The following NDUFA10 variants were observed in gnomAD, a reference collection of about 807,000 sequenced individuals.
The protein encoded by NDUFA10 is NADH:ubiquinone oxidoreductase subunit A10.
NDUFA10 carries 40 observed loss-of-function variants against 47.8 expected under a neutral mutation model. The ratio of observed to expected loss-of-function variants is 0.84; its 90% CI spans 0.65 to 1.09. The LOEUF (loss-of-function observed/expected upper bound fraction) is 1.09. NDUFA10 is among the 50% of genes least tolerant of loss of function. The probability of loss-of-function intolerance (pLI) is 0.00; values close to 1 mark genes in which losing one functional copy is unlikely to be tolerated. For synonymous variants in NDUFA10, 183 were observed against 172.2 expected, an observed-to-expected ratio of 1.06 and a Z score of -0.49; for missense variants, 413 against 451.1, an observed-to-expected ratio of 0.92 and a Z score of 0.76.
Position 239,958,920 on chromosome 2 carries a change from A to G in NDUFA10, c.*2198T>C. ...ATGGAATCCTGGAAAATGCACGATT[A>G]TTTTGATCCTGGTTTGTTGGTGCTG... On this transcript the variant is annotated 3_prime_UTR_variant, in exon 10 of 10. Coordinates refer to ENST00000252711, the MANE Select transcript of NDUFA10 (RefSeq NM_004544.4). The G allele has an allele frequency of 1.0e-6, 1 of 984,754 alleles. No individual in the cohort carries two copies. The highest frequency in any genetic ancestry group is 1.2e-6 in the Non-Finnish European group (1 of 829,310). The allele number at this position is 984,754 out of a possible 1,614,324, so 61.0% of individuals were successfully genotyped here.
intron 4 of NDUFA10, among the ~76,000 whole-genome samples, chr2:239,900,662 G>A (rs1478781828): frequency 2.0e-5 from 3 of 152,122 alleles, no homozygotes; most frequent in Non-Finnish European, 4.4e-5. Flanking sequence ...TGATGGGTGG[G>A]TGTAGAACCT....
At chr2:239,939,253 G>T (rs1356950044) in intron 4 of NDUFA10, among the ~76,000 whole-genome samples, 3 of 152,238 alleles carry the variant, frequency 2.0e-5, no homozygotes, top group African/African-American at 7.2e-5. Flanking sequence ...CAACATGCCA[G>T]CCAGTGTCTT....
intron 4 of NDUFA10, among the ~76,000 whole-genome samples, chr2:239,946,070 G>A (rs2106381237): frequency 6.6e-6 from 1 of 152,314 alleles, no homozygotes; most frequent in East Asian, 1.9e-4. Flanking sequence ...TCCCTTGCAG[G>A]TTTCCAGAGA....
chr2:239,969,125 A>G (rs1285399993), intron 9 of NDUFA10, among the ~76,000 whole-genome samples: 3 of 152,258 alleles, frequency 2.0e-5, no homozygotes, highest in African/African-American at 7.2e-5. Flanking sequence ...TCGGCGTATG[A>G]AACAGGAAAA....
intron 8 of NDUFA10, among the ~76,000 whole-genome samples, chr2:239,999,472 G>A (rs557510269): frequency 2.6e-5 from 4 of 152,226 alleles, no homozygotes; most frequent in East Asian, 3.9e-4. Flanking sequence ...CCCTGCATGC[G>A]GGTTCCCCAT....
chr2:239,942,725 G>C (rs78390987), intron 4 of NDUFA10, among the ~76,000 whole-genome samples: 3,860 of 152,124 alleles, frequency 0.025, 144 homozygotes, highest in African/African-American at 0.076. Flanking sequence ...TTCTCTGTGG[G>C]ACGTTTGCCT....
At chr2:239,916,013 GAT>G (rs1473515243) in intron 4 of NDUFA10, among the ~76,000 whole-genome samples, 5 of 125,890 alleles carry the variant, frequency 4.0e-5, no homozygotes, top group Admixed American at 1.6e-4. Flanking sequence ...CAAATATACA[GAT>G]ACATAGAGAG....
chr2:239,923,378 T>C (rs1694020189), intron 4 of NDUFA10, among the ~76,000 whole-genome samples: 2 of 152,088 alleles, frequency 1.3e-5, no homozygotes, highest in African/African-American at 4.8e-5. Context: ...ATTCCCCAAA[T>C]AGACCATATC....
chr2:239,949,094 G>A (rs896490532), intron 4 of NDUFA10, among the ~76,000 whole-genome samples: 36 of 152,160 alleles, frequency 2.4e-4, no homozygotes, highest in Admixed American at 1.9e-3. Context: ...TCTTTGGGAC[G>A]GACGTATGAG....
intron 8 of NDUFA10, among the ~76,000 whole-genome samples, chr2:239,995,308 A>C (rs1574862099): frequency 6.6e-6 from 1 of 152,134 alleles, no homozygotes; most frequent in Admixed American, 6.5e-5. Flanking sequence ...AATGGCAGCC[A>C]TGTCACAGTG....
chr2:239,935,198 G>A (rs2106375615), intron 4 of NDUFA10, among the ~76,000 whole-genome samples: 1 of 152,340 alleles, frequency 6.6e-6, no homozygotes, highest in African/African-American at 2.4e-5. Flanking sequence ...CAGGACCTGG[G>A]CAAGTATTGG....
intron 9 of NDUFA10, among the ~76,000 whole-genome samples, chr2:239,984,782 C>T (rs151224869): frequency 1.2e-3 from 178 of 152,356 alleles, no homozygotes; most frequent in African/African-American, 4.1e-3. Flanking sequence ...CTGGGCTGCA[C>T]GTTCCCGTCC....
At chr2:239,956,098 C>T (rs1269640644), downstream of NDUFA10, among the ~76,000 whole-genome samples, 5 of 152,232 alleles carry the variant, frequency 3.3e-5, no homozygotes, top group Admixed American at 3.3e-4. Context: ...AGGCCATTCC[C>T]GGTACACCCA....
chr2:240,009,184 A>T (rs1192129807), intron 6 of NDUFA10, among the ~76,000 whole-genome samples: 6 of 152,190 alleles, frequency 3.9e-5, no homozygotes, highest in Non-Finnish European at 7.3e-5. Context: ...CAATAAAGAC[A>T]GTTACAAAAC....
chr2:240,024,016 G>A (rs968316719), intron 1 of NDUFA10, among the ~76,000 whole-genome samples: 9 of 152,156 alleles, frequency 5.9e-5, no homozygotes, highest in Non-Finnish European at 1.0e-4. Context: ...GAGCAACAAG[G>A]AGAGCCTTCA....
At chr2:239,973,509 G>A (rs561803332) in intron 9 of NDUFA10, 17 of 470,918 alleles carry the variant, frequency 3.6e-5, no homozygotes, top group African/African-American at 6.0e-5. Flanking sequence ...AATAGCAGGC[G>A]AGAAAACAGA....
chr2:239,996,460 TC>T (rs1559370278), intron 8 of NDUFA10, among the ~76,000 whole-genome samples: 1 of 152,212 alleles, frequency 6.6e-6, no homozygotes, highest in African/African-American at 2.4e-5. Flanking sequence ...AGAAAAAGTC[TC>T]AAAATATTTT....
downstream of NDUFA10, among the ~76,000 whole-genome samples, chr2:239,953,728 A>G (rs1276340919): frequency 1.3e-5 from 2 of 152,200 alleles, no homozygotes; most frequent in Non-Finnish European, 2.9e-5. Flanking sequence ...CCCCAACCAC[A>G]GGCAGCCAGG....
At chr2:239,911,680 C>CGTGT (rs112686987) in intron 4 of NDUFA10, among the ~76,000 whole-genome samples, 12 of 149,850 alleles carry the variant, frequency 8.0e-5, no homozygotes, top group Middle Eastern at 3.5e-3. Context: ...AGTGTGTGTG[C>CGTGT]GTGTGTGTGT....
Sources: gnomAD v4.1 joint callset for allele counts (sites outside exome capture counted in the v4.1 genomes callset) on GRCh38, gnomAD v4.1.1 for gene constraint, MANE v1.5 for transcripts, NCBI Gene and HGNC (gene_info 2026-07-23, HGNC 2026-07-21) for gene names.